The following TENM2 variants were observed in gnomAD, a reference collection of about 807,000 sequenced individuals.
The protein encoded by TENM2 is teneurin transmembrane protein 2.
Under a neutral mutation model 245.2 loss-of-function variants are expected in TENM2, and 52 were observed. The ratio of observed to expected loss-of-function variants is 0.21; its 90% confidence interval spans 0.17 to 0.27. TENM2 has a LOEUF of 0.27. TENM2 is among the 10% of genes least tolerant of loss of function. The pLI is 1.00. For missense variants in TENM2, 3,046 were observed against 3,666.8 expected (o/e 0.83, Z 4.37); for synonymous variants, 1,363 against 1,438.9 (o/e 0.95, Z 1.19).
intron 3 of TENM2, among the ~76,000 whole-genome samples, chr5:167,947,082 G>T (rs1426443856): frequency 6.6e-6 from 1 of 152,090 alleles, no homozygotes; most frequent in Non-Finnish European, 1.5e-5. Context: ...CAAATTTGAA[G>T]GTGGAGGGGT....
At chr5:167,353,512 T>TTTTTG in intron 1 of TENM2, among the ~76,000 whole-genome samples, 2 of 122,294 alleles carry the variant, frequency 1.6e-5, no homozygotes, top group African/African-American at 6.0e-5. Flanking sequence ...TTTTTTTTTT[T>TTTTTG]TTTTTTTTTT....
intron 3 of TENM2, among the ~76,000 whole-genome samples, chr5:167,925,001 T>C (rs566116836): frequency 3.6e-4 from 55 of 152,272 alleles, no homozygotes; most frequent in Admixed American, 3.0e-3. Context: ...GTTAAACATA[T>C]ACCCAACAAT....
the TENM2 span, among the ~76,000 whole-genome samples, chr5:167,206,075 T>C: frequency 1.3e-5 from 2 of 152,190 alleles, no homozygotes; most frequent in Middle Eastern, 3.2e-3. Context: ...TTCCTTTTGC[T>C]GTGGAACATA....
chr5:167,503,419 AAAG>A (rs1297296121), intron 2 of TENM2, among the ~76,000 whole-genome samples: 4 of 152,154 alleles, frequency 2.6e-5, no homozygotes, highest in African/African-American at 9.7e-5. Flanking sequence ...AGTGCAGAGA[AAAG>A]AAGAGAGGAA....
rs1340235658 is a variant in TENM2 at position 168,244,576 on chromosome 5, G to A, written c.5677G>A (p.Val1893Met). ...CAGCAGCGGGCTGGCAGCTGTCAAC[G>A]TGTCATACTTCTTCAATGGGCGCCT... The change falls in exon 26 of 29, where the codon GTG becomes ATG. Residue 1893 changes from valine to methionine, a missense_variant. Val to Met is a conservative substitution (Grantham distance 21, BLOSUM62 1). This residue lies in a region of TENM2 where 2,704 missense variants were observed against 3,331.9 expected (regional missense o/e 0.81). Coordinates refer to ENST00000518659, the Ensembl canonical transcript of TENM2. This position sits in a 1 kb window ranked among gnomAD's most constrained non-coding sequence, Gnocchi z 4.9. 8.7e-6 allele frequency: 14 copies of A among 1,610,660 alleles called. No individual in the cohort carries two copies. Among genetic ancestry groups the A allele is most frequent in the Admixed American group, 3.3e-5 (2 of 59,722 alleles).
the TENM2 span, among the ~76,000 whole-genome samples, chr5:167,136,137 T>C: frequency 6.6e-6 from 1 of 152,244 alleles, no homozygotes; most frequent in Non-Finnish European, 1.5e-5. Flanking sequence ...AAGTCTTTTG[T>C]AAATTTAGTT....
intron 2 of TENM2, among the ~76,000 whole-genome samples, chr5:167,747,598 C>T (rs189822482): frequency 2.4e-4 from 36 of 152,276 alleles, no homozygotes; most frequent in Admixed American, 1.9e-3. Context: ...CGAGACTTTT[C>T]TGAGTCATTT....
rs980935535 is a variant in TENM2 at position 168,149,335 on chromosome 5, G to A, written c.2423-13276G>A. The A allele has an allele frequency of 1.3e-5, 6 of 456,340 alleles. No individual in the cohort carries two copies. In the Admixed American group the frequency reaches 1.4e-4, roughly 11 times the overall value. The allele number at this position is 456,340 out of a possible 1,614,324, so 28.3% of individuals were successfully genotyped here. A position where few individuals can be genotyped will look rare whatever the true frequency, so the allele number is the denominator to read the frequency against. Reference sequence around the variant, plus strand: ...TAGTATGAAAAAGCAACTTGGAGAGGAGGGCAGAATCCTCACAAAATCCAG... The same window carrying A: ...TAGTATGAAAAAGCAACTTGGAGAGAAGGGCAGAATCCTCACAAAATCCAG... On this transcript the variant is annotated intron_variant, in intron 12 of 28. Transcript: ENST00000518659.
intron 28 of TENM2, 62 bp downstream of exon 30, chr5:168,260,475 C>T (rs760859935): frequency 6.3e-7 from 1 of 1,592,172 alleles, no homozygotes; most frequent in Non-Finnish European, 8.6e-7. Flanking sequence ...GCAAACAGAA[C>T]CTCATGGGAG....
At chr5:168,140,001 T>G (rs1324383450) in intron 12 of TENM2, among the ~76,000 whole-genome samples, 1 of 152,228 alleles carries the variant, frequency 6.6e-6, no homozygotes, top group Non-Finnish European at 1.5e-5. Context: ...CACCCATCTG[T>G]GACTACTGAC....
At chr5:167,321,233 A>T (rs1420478281) in intron 1 of TENM2, among the ~76,000 whole-genome samples, 2 of 152,144 alleles carry the variant, frequency 1.3e-5, no homozygotes, top group African/African-American at 4.8e-5. Context: ...CAAGAGTAAG[A>T]TGCAAACTCA....
the TENM2 span, among the ~76,000 whole-genome samples, chr5:167,162,473 C>A: frequency 2.0e-5 from 3 of 151,846 alleles, no homozygotes; most frequent in Admixed American, 2.0e-4. Context: ...ACTAAAAATA[C>A]AAAATTTAGC....
intron 2 of TENM2, among the ~76,000 whole-genome samples, chr5:167,572,103 C>T (rs886065942): frequency 1.3e-5 from 2 of 152,206 alleles, no homozygotes; most frequent in Non-Finnish European, 2.9e-5. Context: ...ATCCTAAGCA[C>T]ATTAGGGTGG....
At chr5:168,179,134 GA>G (rs35502066) in intron 13 of TENM2, among the ~76,000 whole-genome samples, 24,650 of 99,404 alleles carry the variant, frequency 0.25, 2,272 homozygotes, top group East Asian at 0.44. Context: ...GACTCTGCCT[GA>G]AAAAAAAAAA....
intron 12 of TENM2, among the ~76,000 whole-genome samples, chr5:168,141,207 C>A (rs1050228402): frequency 6.6e-6 from 1 of 152,146 alleles, no homozygotes. Flanking sequence ...CAGGACAGCA[C>A]AACACAAGTA....
chr5:168,052,407 C>G (rs80246239), intron 6 of TENM2, among the ~76,000 whole-genome samples: 2 of 150,644 alleles, frequency 1.3e-5, no homozygotes, highest in East Asian at 3.9e-4. Context: ...TACACACACC[C>G]ACACACACAC....
intron 1 of TENM2, among the ~76,000 whole-genome samples, chr5:167,326,549 T>A (rs1757090980): frequency 6.6e-6 from 1 of 151,816 alleles, no homozygotes; most frequent in South Asian, 2.1e-4. Flanking sequence ...GGTGCACGCG[T>A]GTAGTCCCAG....
At chr5:168,140,964 A>C (rs1452559895) in intron 12 of TENM2, among the ~76,000 whole-genome samples, 1 of 152,106 alleles carries the variant, frequency 6.6e-6, no homozygotes, top group Admixed American at 6.5e-5. Context: ...CACCCGAGAA[A>C]GTTGGACTGA....
the TENM2 span, among the ~76,000 whole-genome samples, chr5:167,157,988 C>G: frequency 6.6e-6 from 1 of 152,154 alleles, no homozygotes; most frequent in African/African-American, 2.4e-5. Context: ...GGATTGTTTT[C>G]CTATGAGAGC....
Sources: gnomAD v4.1 joint callset for allele counts (sites outside exome capture counted in the v4.1 genomes callset) on GRCh38, gnomAD v4.1.1 for gene constraint, gnomAD v4.1.1 regional missense constraint, Gnocchi (gnomAD v3.1) non-coding constraint, MANE v1.5 for transcripts, NCBI Gene and HGNC (gene_info 2026-07-23, HGNC 2026-07-21) for gene names.